UCK2: variants seen among roughly 807,000 people sequenced by gnomAD.
The protein encoded by UCK2 is cytidine monophosphokinase 2.
In UCK2, 6 loss-of-function variants were observed where a neutral mutation model predicts 30.8. The ratio of observed to expected loss-of-function variants is 0.19; its 90% CI spans 0.11 to 0.38. The LOEUF (loss-of-function observed/expected upper bound fraction) is 0.38, where lower values mean the gene tolerates loss of function less well. Among genes scored for constraint, UCK2 ranks in the 10% least tolerant of loss-of-function variants. UCK2 has a pLI of 1.00. For missense variants in UCK2, 210 were observed against 339.8 expected (o/e 0.62, Z 3.00); for synonymous variants, 125 against 133.6 (o/e 0.94, Z 0.45).
intron 1 of UCK2, among the ~76,000 whole-genome samples, chr1:165,874,490 C>G (rs957816569): frequency 7.9e-5 from 12 of 152,250 alleles, no homozygotes; most frequent in Admixed American, 2.6e-4. Flanking sequence ...GCATCCTCCC[C>G]CTGGCAGCCT....
At chr1:165,877,798 G>A (rs922938851) in intron 1 of UCK2, among the ~76,000 whole-genome samples, 2 of 152,218 alleles carry the variant, frequency 1.3e-5, no homozygotes, top group Admixed American at 1.3e-4. Flanking sequence ...TAGTTTAGTT[G>A]CATGTTTATT....
chr1:165,856,901 G>GTTT (rs60388478), intron 1 of UCK2, among the ~76,000 whole-genome samples: 6 of 134,756 alleles, frequency 4.5e-5, no homozygotes, highest in Admixed American at 3.7e-4. Context: ...CGGCCCCAGG[G>GTTT]TTTTTTTTTT....
At chr1:165,828,974 C>T (rs1396784178) in intron 1 of UCK2, among the ~76,000 whole-genome samples, 6 of 152,074 alleles carry the variant, frequency 3.9e-5, no homozygotes, top group African/African-American at 1.4e-4. Flanking sequence ...ATGCTTCTCC[C>T]GGCTGGGGAG....
intron 1 of UCK2, among the ~76,000 whole-genome samples, chr1:165,882,972 G>A (rs1027108078): frequency 6.6e-6 from 1 of 152,062 alleles, no homozygotes; most frequent in Non-Finnish European, 1.5e-5. Context: ...CTACAGGCGC[G>A]TGCCACCACA....
intron 1 of UCK2, among the ~76,000 whole-genome samples, chr1:165,829,690 C>G (rs752972635): frequency 1.1e-4 from 16 of 152,140 alleles, no homozygotes; most frequent in Non-Finnish European, 2.1e-4. Context: ...ACTTGATAAT[C>G]AAGCTTTTGG....
intron 1 of UCK2, among the ~76,000 whole-genome samples, chr1:165,852,557 A>G (rs1190681563): frequency 1.3e-5 from 2 of 152,258 alleles, no homozygotes. Context: ...TTAAAAAGTC[A>G]GGAGACAGTG....
intron 1 of UCK2, among the ~76,000 whole-genome samples, chr1:165,884,471 C>T (rs957541169): frequency 1.3e-5 from 2 of 152,214 alleles, no homozygotes; most frequent in South Asian, 2.1e-4. Context: ...AGCCCATTCC[C>T]GTAGGGACAC....
chr1:165,865,441 C>T (rs796175864), intron 1 of UCK2, among the ~76,000 whole-genome samples: 9 of 152,186 alleles, frequency 5.9e-5, no homozygotes, highest in Admixed American at 3.9e-4. Flanking sequence ...GCAAGATCTG[C>T]GGTGGCAAAA....
At chr1:165,832,672 G>A (rs988191142) in intron 1 of UCK2, among the ~76,000 whole-genome samples, 39 of 151,942 alleles carry the variant, frequency 2.6e-4, no homozygotes, top group African/African-American at 9.4e-4. Context: ...GCAGGGGTGC[G>A]AACTCGGCTC....
chr1:165,903,465 C>T (rs1232451711), intron 5 of UCK2, among the ~76,000 whole-genome samples, 186 bp downstream of exon 5: 1 of 152,150 alleles, frequency 6.6e-6, no homozygotes, highest in African/African-American at 2.4e-5. Context: ...TCTCCAGGAG[C>T]CCTGTCCTGC....
At position 165,890,845 on chromosome 1, in the gene UCK2, T is replaced by C. The variant is rs1014273424; in HGVS notation, c.260-381T>C. Reference sequence around the variant, plus strand: ...AGCTGGCTTGGGTTTCTTATAATTGTTAGAAGCAAACCTGGGCATGGTGCC... The same window carrying C: ...AGCTGGCTTGGGTTTCTTATAATTGCTAGAAGCAAACCTGGGCATGGTGCC... On this transcript the variant is annotated intron_variant, in intron 2 of 6. Coordinates refer to ENST00000367879, the MANE Select transcript of UCK2 (RefSeq NM_012474.5). The C allele has an allele frequency of 3.1e-5, 8 of 260,624 alleles. No homozygotes were observed. In the East Asian group the frequency reaches 7.9e-4, roughly 26 times the overall value. 16.1% of individuals were successfully genotyped at this position (260,624 alleles called of 1,614,324 possible). A position where few individuals can be genotyped will look rare whatever the true frequency, so the allele number is the denominator to read the frequency against.
chr1:165,882,444 T>C (rs949385977), intron 1 of UCK2, among the ~76,000 whole-genome samples: 1 of 152,204 alleles, frequency 6.6e-6, no homozygotes, highest in African/African-American at 2.4e-5. Flanking sequence ...GGTTTAAAGA[T>C]AGTGTACCTC....
chr1:165,834,426 T>C (rs976425330), intron 1 of UCK2, among the ~76,000 whole-genome samples: 3 of 152,050 alleles, frequency 2.0e-5, no homozygotes, highest in Non-Finnish European at 4.4e-5. Flanking sequence ...AGTCCCACCA[T>C]TGCAATCCAA....
At chr1:165,906,014 T>C in intron 6 of UCK2, 45 bp downstream of exon 6, 2 of 1,581,340 alleles carry the variant, frequency 1.3e-6, no homozygotes, top group Non-Finnish European at 1.7e-6. Flanking sequence ...TGTCTGCCCT[T>C]TGTCAGTCAT....
chr1:165,860,872 T>G (rs1052716635), intron 1 of UCK2, among the ~76,000 whole-genome samples: 2 of 152,200 alleles, frequency 1.3e-5, no homozygotes, highest in African/African-American at 4.8e-5. Flanking sequence ...CTGCATGATT[T>G]GCCTAAAATA....
intron 1 of UCK2, among the ~76,000 whole-genome samples, chr1:165,889,426 A>G (rs1013017661): frequency 6.6e-6 from 1 of 152,172 alleles, no homozygotes; most frequent in East Asian, 1.9e-4. Context: ...CATCATCACC[A>G]TGCCTTCATT....
chr1:165,845,921 C>T (rs1292879179), intron 1 of UCK2, among the ~76,000 whole-genome samples: 2 of 152,178 alleles, frequency 1.3e-5, no homozygotes, highest in Non-Finnish European at 2.9e-5. Flanking sequence ...CCTGCCTCGG[C>T]CTCCGAAAGT....
chr1:165,843,547 G>A (rs1654379406), intron 1 of UCK2, among the ~76,000 whole-genome samples: 1 of 152,114 alleles, frequency 6.6e-6, no homozygotes, highest in Non-Finnish European at 1.5e-5. Flanking sequence ...GGAGGTCAAG[G>A]CAGGAGGATC....
intron 4 of UCK2, among the ~76,000 whole-genome samples, chr1:165,902,342 G>T (rs1197303209): frequency 6.6e-6 from 1 of 151,940 alleles, no homozygotes; most frequent in Non-Finnish European, 1.5e-5. Flanking sequence ...AGCCCAGGAG[G>T]TTGAGGCTGT....
Sources: gnomAD v4.1 joint callset for allele counts (sites outside exome capture counted in the v4.1 genomes callset) on GRCh38, gnomAD v4.1.1 for gene constraint, MANE v1.5 for transcripts, NCBI Gene and HGNC (gene_info 2026-07-23, HGNC 2026-07-21) for gene names.